The following TRIM5 variants were observed in gnomAD, a reference collection of about 807,000 sequenced individuals.
TRIM5 encodes the protein tripartite motif containing 5, also known as tripartite motif-containing protein 5.
Under a neutral mutation model 35.6 loss-of-function variants are expected in TRIM5, and 31 were observed. The ratio of observed to expected loss-of-function variants is 0.87; its 90% CI spans 0.65 to 1.18. The LOEUF is 1.18. Among genes scored for constraint, TRIM5 ranks in the 50% most tolerant of loss-of-function variants. TRIM5 has a pLI of 0.00. For synonymous variants in TRIM5, 243 were observed against 215.6 expected (o/e 1.13, Z -1.11); for missense variants, 609 against 591.6 (o/e 1.03, Z -0.31).
the TRIM5 span, among the ~76,000 whole-genome samples, chr11:5,630,935 T>A: frequency 6.6e-6 from 1 of 152,254 alleles, no homozygotes; most frequent in African/African-American, 2.4e-5. Flanking sequence ...ATTTCCAAAA[T>A]AAACACATGA....
the TRIM5 span, chr11:5,605,397 C>G: frequency 6.2e-7 from 1 of 1,614,138 alleles, no homozygotes; most frequent in Non-Finnish European, 8.5e-7. Flanking sequence ...GCGAAATATC[C>G]TAGACAGAGT....
chr11:5,598,177 G>A, the TRIM5 span, among the ~76,000 whole-genome samples: 1 of 152,080 alleles, frequency 6.6e-6, no homozygotes, highest in African/African-American at 2.4e-5. Context: ...ACACTGCTCT[G>A]GAGACTTGGC....
At chr11:5,681,288 T>C (rs1237344667) in intron 1 of TRIM5, among the ~76,000 whole-genome samples, 4 of 152,198 alleles carry the variant, frequency 2.6e-5, no homozygotes, top group Non-Finnish European at 5.9e-5. Flanking sequence ...GCAGATTTAC[T>C]GGGAAAGAAG....
chr11:5,679,604 A>C (rs1852269573), intron 2 of TRIM5, among the ~76,000 whole-genome samples, 157 bp downstream of exon 2: 1 of 152,060 alleles, frequency 6.6e-6, no homozygotes, highest in Non-Finnish European at 1.5e-5. Context: ...AAATGCAAAA[A>C]ACCATCCTTA....
At chr11:5,670,575 GAC>G (rs779002558) in intron 4 of TRIM5, among the ~76,000 whole-genome samples, 6 of 152,084 alleles carry the variant, frequency 3.9e-5, no homozygotes. Context: ...CCATGCTAAA[GAC>G]ACACACATAT....
At chr11:5,635,706 C>G in the TRIM5 span, among the ~76,000 whole-genome samples, 1 of 152,118 alleles carries the variant, frequency 6.6e-6, no homozygotes, top group African/African-American at 2.4e-5. Flanking sequence ...AGGAGAGTAA[C>G]TGATTTTCAT....
the TRIM5 span, among the ~76,000 whole-genome samples, chr11:5,636,459 C>A: frequency 6.6e-6 from 1 of 152,126 alleles, no homozygotes; most frequent in African/African-American, 2.4e-5. Flanking sequence ...TGCACTACAT[C>A]GTGAATATTT....
At chr11:5,626,420 C>T in the TRIM5 span, among the ~76,000 whole-genome samples, 1 of 152,152 alleles carries the variant, frequency 6.6e-6, no homozygotes, top group South Asian at 2.1e-4. Context: ...GGCCTTGCAA[C>T]TTTAAATAGT....
At chr11:5,596,781 G>C in the TRIM5 span, 1 of 1,530,596 alleles carries the variant, frequency 6.5e-7, no homozygotes, top group Non-Finnish European at 9.0e-7. Context: ...TTAGATAAAA[G>C]CCGAGTGAGC....
At chr11:5,667,548 G>T in intron 5 of TRIM5, 141 bp downstream of exon 5, 1 of 921,272 alleles carries the variant, frequency 1.1e-6, no homozygotes, top group South Asian at 1.7e-5. Flanking sequence ...GCTGATTTAT[G>T]ACCAGAAATT....
the TRIM5 span, among the ~76,000 whole-genome samples, chr11:5,615,933 A>ACT: frequency 8.2e-6 from 1 of 121,382 alleles, no homozygotes. Context: ...ATATCTTTTC[A>ACT]TTTTTTTTTT....
the TRIM5 span, chr11:5,626,494 G>A: frequency 3.3e-5 from 5 of 152,302 alleles, no homozygotes; most frequent in South Asian, 1.0e-3. Flanking sequence ...TTAAGAATGC[G>A]AGGAAATTAA....
At chr11:5,604,926 T>C in the TRIM5 span, 1 of 436,380 alleles carries the variant, frequency 2.3e-6, no homozygotes, top group Non-Finnish European at 4.1e-6. Context: ...GCTTTTCCCT[T>C]GCATTCAGAG....
chr11:5,664,819 G>T lies in TRIM5; in HGVS notation c.1472C>A (p.Pro491Gln). The change falls in exon 8 of 8, where the codon CCA (proline) becomes CAA (glutamine). Residue 491 changes from proline (P) to glutamine (Q), a missense_variant. Physicochemically the swap from Pro to Gln is moderately conservative, Grantham distance 76 (BLOSUM62 -1). Transcript: ENST00000380034. ...AGTGTGTAAGAAGGTTCAAGAGCTT[G>T]GTGAGCACAGAGTCATGGGGACTCC... is the stretch of plus-strand genomic sequence containing the variant. The part of the protein sequence containing the change: ...KCGVPMTLCS[P>Q]SS The T allele has an allele frequency of 2.5e-6, 4 of 1,592,336 alleles. No homozygotes were observed. Among genetic ancestry groups the T allele is most frequent in the South Asian group, 1.2e-5 (1 of 86,414 alleles).
chr11:5,621,633 T>C, the TRIM5 span, among the ~76,000 whole-genome samples: 2 of 152,196 alleles, frequency 1.3e-5, no homozygotes, highest in South Asian at 2.1e-4. Flanking sequence ...AAAATAAATC[T>C]TGGAGCTTCA....
chr11:5,611,506 T>A, the TRIM5 span: 1 of 653,296 alleles, frequency 1.5e-6, no homozygotes, highest in Non-Finnish European at 2.6e-6. Context: ...CAGGCTGGAG[T>A]GCACTGGCGC....
intron 2 of TRIM5, 148 bp downstream of exon 2, chr11:5,679,613 T>A: frequency 1.2e-6 from 1 of 839,260 alleles, no homozygotes; most frequent in Non-Finnish European, 1.8e-6. Context: ...AAACCATCCT[T>A]AAAGCCTCAG....
downstream of TRIM5, among the ~76,000 whole-genome samples, chr11:5,662,884 C>T (rs1850878675): frequency 6.6e-6 from 1 of 152,192 alleles, no homozygotes; most frequent in African/African-American, 2.4e-5. Flanking sequence ...AATCCTAGCA[C>T]TTTGGGAGGT....
chr11:5,666,681 C>G (rs1851167228), intron 5 of TRIM5, among the ~76,000 whole-genome samples: 1 of 152,174 alleles, frequency 6.6e-6, no homozygotes, highest in Non-Finnish European at 1.5e-5. Flanking sequence ...AAATTATGTG[C>G]ACTAAACTAT....
Sources: gnomAD v4.1 joint callset for allele counts (sites outside exome capture counted in the v4.1 genomes callset) on GRCh38, gnomAD v4.1.1 for gene constraint, MANE v1.5 for transcripts, NCBI Gene and HGNC (gene_info 2026-07-23, HGNC 2026-07-21) for gene names.